The following PTPRD variants were observed in gnomAD, a reference collection of about 807,000 sequenced individuals.
PTPRD encodes receptor-type tyrosine-protein phosphatase delta.
Under a neutral mutation model 214.5 loss-of-function variants are expected in PTPRD, and 34 were observed. The observed-to-expected ratio is 0.16, with a 90% confidence interval of 0.12 to 0.21. PTPRD has a LOEUF of 0.21. PTPRD is among the 10% of genes least tolerant of loss of function. The probability of loss-of-function intolerance (pLI) is 1.00; values close to 1 mark genes in which losing one functional copy is unlikely to be tolerated. For missense variants in PTPRD, 2,545 were observed against 2,398.7 expected, an observed-to-expected ratio of 1.06 and a Z score of -1.27; for synonymous variants, 1,128 against 845.7, an observed-to-expected ratio of 1.33 and a Z score of -5.79.
chr9:8,516,957 G>A (rs914800263), intron 21 of PTPRD, among the ~76,000 whole-genome samples: 47 of 151,770 alleles, frequency 3.1e-4, no homozygotes, highest in African/African-American at 1.1e-3. Flanking sequence ...AATTACAGGT[G>A]CCTGCTACCA....
At chr9:8,381,262 C>G (rs1366044318) in intron 37 of PTPRD, among the ~76,000 whole-genome samples, 1 of 152,044 alleles carries the variant, frequency 6.6e-6, no homozygotes, top group South Asian at 2.1e-4. Context: ...TTGTCAATAC[C>G]CATTTAATGA....
intron 9 of PTPRD, among the ~76,000 whole-genome samples, chr9:9,276,554 A>T (rs1945723999): frequency 6.6e-6 from 1 of 151,300 alleles, no homozygotes; most frequent in South Asian, 2.1e-4. Context: ...CATCGTCCTC[A>T]GTCACTGGCA....
intron 3 of PTPRD, among the ~76,000 whole-genome samples, chr9:10,252,240 G>A (rs948820668): frequency 1.3e-5 from 2 of 152,154 alleles, no homozygotes; most frequent in African/African-American, 4.8e-5. Flanking sequence ...CGATGGACAT[G>A]AAATGGTGTG....
At chr9:10,291,816 G>A (rs1394105768) in intron 3 of PTPRD, among the ~76,000 whole-genome samples, 1 of 152,032 alleles carries the variant, frequency 6.6e-6, no homozygotes, top group Non-Finnish European at 1.5e-5. Flanking sequence ...AGAAGCCAGA[G>A]GAAACTAATG....
intron 10 of PTPRD, among the ~76,000 whole-genome samples, chr9:9,055,722 T>A (rs905711953): frequency 3.3e-5 from 5 of 151,246 alleles, no homozygotes; most frequent in African/African-American, 1.2e-4. Flanking sequence ...ATATTTTATA[T>A]ATATTTTATG....
chr9:9,153,491 A>G (rs899423862), intron 10 of PTPRD, among the ~76,000 whole-genome samples: 3 of 152,202 alleles, frequency 2.0e-5, no homozygotes, highest in African/African-American at 4.8e-5. Flanking sequence ...AAAAATTATG[A>G]AATTTATAAA....
intron 12 of PTPRD, among the ~76,000 whole-genome samples, chr9:8,643,706 G>A (rs1314829214): frequency 1.3e-5 from 2 of 152,218 alleles, no homozygotes; most frequent in African/African-American, 4.8e-5. Context: ...ACATGTTGGG[G>A]CAGCACTGAG....
intron 2 of PTPRD, among the ~76,000 whole-genome samples, chr9:10,580,784 T>C (rs1180018820): frequency 2.0e-5 from 3 of 152,212 alleles, no homozygotes; most frequent in Admixed American, 6.5e-5. Flanking sequence ...CCTAGTCTCA[T>C]AGTCAGAGTA....
chr9:10,238,150 C>A, intron 3 of PTPRD, among the ~76,000 whole-genome samples: 1 of 53,794 alleles, frequency 1.9e-5, no homozygotes, highest in South Asian at 7.3e-4. Context: ...GCTGACCATA[C>A]AAATTGGGGT....
chr9:9,597,526 T>G (rs943165428), intron 7 of PTPRD, among the ~76,000 whole-genome samples: 1 of 151,978 alleles, frequency 6.6e-6, no homozygotes, highest in Non-Finnish European at 1.5e-5. Flanking sequence ...TTATAAAGAA[T>G]GTCTGTTATA....
intron 9 of PTPRD, among the ~76,000 whole-genome samples, chr9:9,327,879 C>G (rs909935728): frequency 6.7e-6 from 1 of 148,258 alleles, no homozygotes; most frequent in Non-Finnish European, 1.5e-5. Flanking sequence ...ATAAAATACA[C>G]TAACACTAAC....
At chr9:10,320,057 T>G (rs1050252404) in intron 3 of PTPRD, among the ~76,000 whole-genome samples, 2 of 152,090 alleles carry the variant, frequency 1.3e-5, no homozygotes, top group Admixed American at 1.3e-4. Context: ...AGCTTGCCAA[T>G]TGAAATTCTA....
chr9:10,526,461 G>A (rs1001008575), intron 2 of PTPRD, among the ~76,000 whole-genome samples: 1 of 151,944 alleles, frequency 6.6e-6, no homozygotes, highest in Non-Finnish European at 1.5e-5. Context: ...TGATAGATTT[G>A]AGAATAAATA....
At chr9:10,410,227 C>T (rs1037340338) in intron 2 of PTPRD, among the ~76,000 whole-genome samples, 5 of 132,732 alleles carry the variant, frequency 3.8e-5, no homozygotes, top group Admixed American at 1.6e-4. Flanking sequence ...TGCTAATAAC[C>T]AGGTAATTAA....
intron 44 of PTPRD, among the ~76,000 whole-genome samples, chr9:8,330,218 C>T (rs1309360061): frequency 6.6e-6 from 1 of 152,140 alleles, no homozygotes; most frequent in Non-Finnish European, 1.5e-5. Context: ...ACTGTCCAAC[C>T]AGTCCCAATG....
At chr9:10,112,139 G>T (rs1173095996) in intron 3 of PTPRD, among the ~76,000 whole-genome samples, 2 of 152,158 alleles carry the variant, frequency 1.3e-5, no homozygotes, top group South Asian at 2.1e-4. Flanking sequence ...GCTTTTTTGT[G>T]TTTCTGGAAT....
At chr9:9,826,452 A>G (rs897793489) in intron 5 of PTPRD, among the ~76,000 whole-genome samples, 2 of 151,874 alleles carry the variant, frequency 1.3e-5, no homozygotes, top group African/African-American at 2.4e-5. Flanking sequence ...GCTAGATTTT[A>G]TTTTCAGTCA....
chr9:9,826,298 A>C (rs1344233219), intron 5 of PTPRD, among the ~76,000 whole-genome samples: 1 of 151,428 alleles, frequency 6.6e-6, no homozygotes, highest in African/African-American at 2.4e-5. Flanking sequence ...TTTTATCTAT[A>C]TTTCTTTCCT....
chr9:9,098,615 T>C (rs547841245), intron 10 of PTPRD, among the ~76,000 whole-genome samples: 1 of 152,342 alleles, frequency 6.6e-6, no homozygotes, highest in Non-Finnish European at 1.5e-5. Context: ...TAATATAATC[T>C]GCAAAGTTAC....
Sources: gnomAD v4.1 joint callset for allele counts (sites outside exome capture counted in the v4.1 genomes callset) on GRCh38, gnomAD v4.1.1 for gene constraint, MANE v1.5 for transcripts, NCBI Gene and HGNC (gene_info 2026-07-23, HGNC 2026-07-21) for gene names.